Variants in PCDHGA6 observed in about 807,000 individuals in gnomAD.
PCDHGA6 encodes the protein protocadherin gamma-A6.
A neutral mutation model predicts 60.6 loss-of-function variants in PCDHGA6; 41 were observed. The ratio of observed to expected loss-of-function variants is 0.68; its 90% CI spans 0.53 to 0.88. The LOEUF is 0.88. Among genes scored for constraint, PCDHGA6 ranks in the 40% least tolerant of loss-of-function variants. The probability of loss-of-function intolerance (pLI) is 0.00; values close to 1 mark genes in which losing one functional copy is unlikely to be tolerated. For missense variants in PCDHGA6, 1,312 were observed against 1,203.0 expected (o/e 1.09, Z -1.34); for synonymous variants, 594 against 524.4 (o/e 1.13, Z -1.81).
rs527863161 is a variant in PCDHGA6, at chr5:141,375,838, C to T, written c.1755C>T (p.Gly585=). 1 of 1,614,128 alleles carries T rather than the reference C, an allele frequency of 6.2e-7. No homozygotes were observed. Among genetic ancestry groups the T allele is most frequent in the Admixed American group, 1.7e-5 (1 of 60,036 alleles). Residue 585 remains glycine (G), a synonymous_variant, in exon 1 of 4, where the codon GGC becomes GGT. Transcript: ENST00000517434. The part of the protein sequence containing the change: ...VELAPRSAEP[G]YLVTKVVAVD... ...TGGCGCCCCGCTCCGCAGAGCCCGGCTACCTGGTGACCAAGGTGGTGGCGG... is the reference window on the plus strand; with the variant it reads ...TGGCGCCCCGCTCCGCAGAGCCCGGTTACCTGGTGACCAAGGTGGTGGCGG...
At chr5:141,416,010 A>T (rs968655183) in intron 1 of PCDHGA6, 5 of 245,908 alleles carry the variant, frequency 2.0e-5, no homozygotes, top group Non-Finnish European at 3.0e-5. Flanking sequence ...TGGTAAGAAT[A>T]GGTAAGTATC....
chr5:141,388,555 G>A, intron 1 of PCDHGA6: 1 of 1,613,826 alleles, frequency 6.2e-7, no homozygotes, highest in Non-Finnish European at 8.5e-7. Context: ...CCCCTAAGCA[G>A]CACTGCACAG....
At chr5:141,420,254 G>C (rs186977117) in intron 1 of PCDHGA6, 3 of 1,569,172 alleles carry the variant, frequency 1.9e-6, no homozygotes, top group Admixed American at 3.8e-5. Context: ...CGTTGAAGCA[G>C]ATAAGAAGAT....
intron 1 of PCDHGA6, among the ~76,000 whole-genome samples, chr5:141,479,129 C>T (rs2099488562): frequency 6.6e-6 from 1 of 152,154 alleles, no homozygotes; most frequent in South Asian, 2.1e-4. Context: ...AAATGATGTG[C>T]ACCCTGCTTA....
intron 1 of PCDHGA6, chr5:141,393,906 G>C: frequency 1.2e-6 from 2 of 1,613,998 alleles, no homozygotes; most frequent in Non-Finnish European, 1.7e-6. Context: ...TCCCGGGACA[G>C]TAATTGCCTT....
At position 141,486,881 on chromosome 5, in the gene PCDHGA6, G is replaced by T. The variant is rs114512641; in HGVS notation, c.2425-7926G>T. The T allele has an allele frequency of 1.3e-5, 21 of 1,614,090 alleles. No homozygotes were observed. The East Asian group carries it at 4.7e-4, about 36-fold the overall frequency. ...TGCTCCAGCTGTGCTCCGTCCTCGG[G>T]CCCGGCCTGGTTCCTTATGTCCCCA... is the stretch of plus-strand genomic sequence containing the variant. On this transcript the variant is annotated intron_variant, in intron 1 of 3. Coordinates refer to ENST00000517434, the MANE Select transcript of PCDHGA6 (RefSeq NM_018919.3). This position sits in a 1 kb window ranked among gnomAD's most constrained non-coding sequence, Gnocchi z 5.0.
chr5:141,414,280 G>C, intron 1 of PCDHGA6: 5 of 1,613,604 alleles, frequency 3.1e-6, no homozygotes, highest in Non-Finnish European at 4.2e-6. Context: ...TCTGGGAACA[G>C]TCGTAGCCCT....
chr5:141,410,849 CTTTTTTTTT>C (rs759346998), intron 1 of PCDHGA6: 2 of 136,714 alleles, frequency 1.5e-5, no homozygotes, highest in African/African-American at 6.3e-5. Context: ...TTGTCTTTGT[CTTTTTTTTT>C]TTTTTTTTTT....
intron 1 of PCDHGA6, among the ~76,000 whole-genome samples, chr5:141,438,397 C>A (rs950830331): frequency 6.6e-6 from 1 of 151,624 alleles, no homozygotes. Context: ...TCATCATTAA[C>A]TCTCTGAAGT....
At position 141,485,275 on chromosome 5, in the gene PCDHGA6, G is replaced by A. The variant is rs77402299; in HGVS notation, c.2425-9532G>A. The A allele has an allele frequency of 8.7e-6, 14 of 1,613,954 alleles. No homozygotes were observed. In the African/African-American group the frequency reaches 1.1e-4, roughly 12 times the overall value. ...ACGTTTGTGGGCAGATCCGCTACCC[G>A]GTCCCAGAGGAGTCACAGGAAGGGA... On this transcript the variant is annotated intron_variant, in intron 1 of 3. Transcript: ENST00000517434. The surrounding 1 kb of genome is among the most constrained non-coding windows in gnomAD (Gnocchi z 5.7).
rs774071540 is a variant in PCDHGA6, at chr5:141,511,042, G to A, written c.2668G>A (p.Asp890Asn). 8 of 1,614,064 alleles carry A rather than the reference G, an allele frequency of 5.0e-6. No homozygotes were observed. Among genetic ancestry groups the A allele is most frequent in the Non-Finnish European group, 6.8e-6 (8 of 1,180,016 alleles). Residue 890 changes from aspartate to asparagine, a missense_variant, in exon 4 of 4, where the codon GAC becomes AAC. Physicochemically the swap from Asp to Asn is conservative, Grantham distance 23. Coordinates refer to ENST00000517434, the MANE Select transcript of PCDHGA6 (RefSeq NM_018919.3). Reference sequence around the variant, plus strand: ...CCAGTTCACCCTGCAGCACGTGCCCGACTACCGCCAGAATGTCTACATCCC... The same window carrying A: ...CCAGTTCACCCTGCAGCACGTGCCCAACTACCGCCAGAATGTCTACATCCC... ...GPQFTLQHVPDYRQNVYIPGS... is the reference protein window; with the variant it reads ...GPQFTLQHVPNYRQNVYIPGS...
Position 141,489,748 on chromosome 5 carries a change from T to G in PCDHGA6, c.2425-5059T>G. 6.2e-7 allele frequency: 1 copy of G among 1,614,156 alleles called. No homozygotes were observed. Among genetic ancestry groups the G allele is most frequent in the African/African-American group, 1.3e-5 (1 of 75,054 alleles). On this transcript the variant is annotated intron_variant, in intron 1 of 3. Transcript: ENST00000517434. This position sits in a 1 kb window ranked among gnomAD's most constrained non-coding sequence, Gnocchi z 4.5. ...TGTGGGCACCAATACTGTGAGCTTTTACACTCTAAGCCCCAACAGCCACTT... is the reference window on the plus strand; with the variant it reads ...TGTGGGCACCAATACTGTGAGCTTTGACACTCTAAGCCCCAACAGCCACTT...
chr5:141,428,406 C>T (rs908202809), intron 1 of PCDHGA6: 1 of 473,274 alleles, frequency 2.1e-6, no homozygotes, highest in Non-Finnish European at 3.9e-6. Context: ...CCTGGGGTTG[C>T]TTTCACCCTG....
At chr5:141,406,649 G>A (rs1447190497) in intron 1 of PCDHGA6, among the ~76,000 whole-genome samples, 2 of 152,098 alleles carry the variant, frequency 1.3e-5, no homozygotes, top group African/African-American at 2.4e-5. Flanking sequence ...ATTTCCTAAT[G>A]CTTTAATGTT....
Position 141,432,326 on chromosome 5 carries a change from G to C in PCDHGA6, c.2424+55819G>C. The C allele has an allele frequency of 1.2e-6, 2 of 1,614,228 alleles. No individual in the cohort carries two copies. The highest frequency in any genetic ancestry group is 2.2e-5 in the East Asian group (1 of 44,890). On this transcript the variant is annotated intron_variant, in intron 1 of 3. Transcript: ENST00000517434. This position sits in a 1 kb window ranked among gnomAD's most constrained non-coding sequence, Gnocchi z 6.0. ...GTATGCGCTGAGCTCCTTCGACTAC[G>C]AGCAGTTCCGAGACTTGCAAGTGAA...
At chr5:141,441,298 T>C (rs1289976355) in intron 1 of PCDHGA6, 1 of 152,150 alleles carries the variant, frequency 6.6e-6, no homozygotes, top group Non-Finnish European at 1.5e-5. Flanking sequence ...ATGTCTGATA[T>C]AAGAAAATGC....
In PCDHGA6 at chr5:141,409,721, G is replaced by A. The variant is rs892686024; in HGVS notation, c.2424+33214G>A. On this transcript the variant is annotated intron_variant, in intron 1 of 3. Transcript: ENST00000517434. ...CCTGGCGGTGTCGTCATACGTGTCA[G>A]TGAGCGCGCAGAGCGGGGTGGTGTT... The A allele has an allele frequency of 6.8e-6, 11 of 1,613,114 alleles. No homozygotes were observed. The highest frequency in any genetic ancestry group is 6.7e-5 in the East Asian group (3 of 44,892).
chr5:141,494,985 C>A, intron 2 of PCDHGA6, 120 bp downstream of exon 2: 1 of 1,559,680 alleles, frequency 6.4e-7, no homozygotes. Context: ...AGTTTGAGAT[C>A]CCAGGGAGGT....
chr5:141,404,540 A>G, intron 1 of PCDHGA6: 2 of 1,613,920 alleles, frequency 1.2e-6, no homozygotes, highest in Non-Finnish European at 1.7e-6. Context: ...AGATTTGCAA[A>G]TGCAGGTGAC....
Sources: allele counts gnomAD v4.1 joint callset (sites outside exome capture counted in the v4.1 genomes callset), GRCh38; gene constraint gnomAD v4.1.1; non-coding constraint Gnocchi (gnomAD v3.1); transcripts MANE v1.5; gene names NCBI Gene and HGNC (gene_info 2026-07-23, HGNC 2026-07-21).